Variants in GRM8 observed in about 807,000 individuals in gnomAD.
GRM8 encodes the protein glutamate metabotropic receptor 8.
GRM8 carries 47 observed loss-of-function variants against 87.2 expected under a neutral mutation model. The observed-to-expected ratio is 0.54, with a 90% CI of 0.43 to 0.69. The LOEUF is 0.69. Among genes scored for constraint, GRM8 ranks in the 30% least tolerant of loss-of-function variants. The probability of loss-of-function intolerance (pLI) is 0.00; values close to 1 mark genes in which losing one functional copy is unlikely to be tolerated. For missense variants in GRM8, 1,019 were observed against 1,139.2 expected, an observed-to-expected ratio of 0.89 and a Z score of 1.52; for synonymous variants, 396 against 404.5, an observed-to-expected ratio of 0.98 and a Z score of 0.25.
intron 7 of GRM8, among the ~76,000 whole-genome samples, chr7:126,653,732 A>G (rs893328526): frequency 6.6e-6 from 1 of 152,202 alleles, no homozygotes; most frequent in African/African-American, 2.4e-5. Flanking sequence ...ATACCCATGA[A>G]TACTCTGGGT....
At chr7:126,524,668 A>T (rs1813552411) in intron 9 of GRM8, among the ~76,000 whole-genome samples, 1 of 151,966 alleles carries the variant, frequency 6.6e-6, no homozygotes, top group African/African-American at 2.4e-5. Flanking sequence ...TATGCTCAAC[A>T]TGTCTTAATT....
chr7:127,041,932 T>A (rs976781446), intron 3 of GRM8, among the ~76,000 whole-genome samples: 1 of 152,182 alleles, frequency 6.6e-6, no homozygotes, highest in Non-Finnish European at 1.5e-5. Flanking sequence ...TGAGCTCTGA[T>A]TGAGCTCTGT....
intron 7 of GRM8, among the ~76,000 whole-genome samples, chr7:126,669,933 C>G (rs907819452): frequency 6.6e-6 from 1 of 152,152 alleles, no homozygotes; most frequent in African/African-American, 2.4e-5. Flanking sequence ...GGAAATTAAT[C>G]TTGCAGAAGA....
chr7:126,554,844 A>G (rs1477904456), intron 8 of GRM8, among the ~76,000 whole-genome samples: 5 of 152,184 alleles, frequency 3.3e-5, no homozygotes, highest in Non-Finnish European at 7.3e-5. Context: ...TGTTTCTAAT[A>G]TATTACTAAC....
Position 126,779,400 on chromosome 7 carries a change from A to G in GRM8, c.1157-9335T>C, listed in dbSNP as rs190408011. ...CTTAATATGCCAATGCTACATTTTT[A>G]TGATTATTATGTGTTTATGTTATAC... On this transcript the variant is annotated intron_variant, in intron 6 of 10. Coordinates refer to ENST00000339582, the MANE Select transcript of GRM8 (RefSeq NM_000845.3). Among the ~76,000 whole-genome samples, 3 of 152,118 alleles carry G rather than the reference A, an allele frequency of 2.0e-5. No homozygotes were observed. The East Asian group carries it at 5.8e-4, about 29-fold the overall frequency.
chr7:127,091,169 T>A (rs1260859903), intron 3 of GRM8, among the ~76,000 whole-genome samples: 1 of 152,076 alleles, frequency 6.6e-6, no homozygotes, highest in Non-Finnish European at 1.5e-5. Flanking sequence ...GGTCCCTGAA[T>A]TCTACTTGGC....
intron 6 of GRM8, among the ~76,000 whole-genome samples, chr7:126,895,426 A>T (rs1372953531): frequency 1.3e-5 from 2 of 152,106 alleles, no homozygotes; most frequent in African/African-American, 4.8e-5. Flanking sequence ...CCTGGAACTC[A>T]TCAGAAATGC....
intron 6 of GRM8, among the ~76,000 whole-genome samples, chr7:126,772,468 C>G (rs1299057174): frequency 2.0e-5 from 3 of 152,112 alleles, no homozygotes; most frequent in Non-Finnish European, 2.9e-5. Context: ...CCCAGACTTG[C>G]TGGGTCAGAA....
intron 3 of GRM8, among the ~76,000 whole-genome samples, chr7:127,022,158 CT>C (rs1385655572): frequency 6.6e-6 from 1 of 151,128 alleles, no homozygotes; most frequent in Admixed American, 6.6e-5. Flanking sequence ...TTCCTTTGAA[CT>C]GATAATGTTT....
intron 2 of GRM8, among the ~76,000 whole-genome samples, chr7:127,149,956 A>G (rs1425372104): frequency 1.3e-5 from 2 of 152,042 alleles, no homozygotes; most frequent in South Asian, 2.1e-4. Context: ...CTAGAGATCT[A>G]ATGTACAACA....
At chr7:127,086,509 C>A (rs1191317861) in intron 3 of GRM8, among the ~76,000 whole-genome samples, 1 of 152,170 alleles carries the variant, frequency 6.6e-6, no homozygotes, top group Non-Finnish European at 1.5e-5. Context: ...GTCTTAAATG[C>A]CTTTATCTCT....
At chr7:126,981,239 G>A (rs970192286) in intron 3 of GRM8, 4 of 152,338 alleles carry the variant, frequency 2.6e-5, no homozygotes. Context: ...GGCTAAAATT[G>A]CAGCTGTGTT....
At position 126,533,448 on chromosome 7, in the gene GRM8, G is replaced by C. The variant is rs753956680; in HGVS notation, c.1934C>G (p.Thr645Arg). The change falls in exon 9 of 11, where the codon ACA becomes AGA. Residue 645 changes from threonine (T) to arginine (R), a missense_variant. Thr to Arg is a moderately conservative substitution (Grantham distance 71). Coordinates refer to ENST00000339582, the MANE Select transcript of GRM8 (RefSeq NM_000845.3). ...GACCCGTCGGAAGGAGCATATGATT[G>C]TATCTGGTGCTGCAATCATTAAAAA... Reference protein sequence around the residue: ...ITFLMIAAPDTIICSFRRVFL... With the variant: ...ITFLMIAAPDRIICSFRRVFL... 1 of 1,613,996 alleles carries C rather than the reference G, an allele frequency of 6.2e-7. No individual in the cohort carries two copies. The highest frequency in any genetic ancestry group is 1.7e-5 in the Admixed American group (1 of 60,012).
chr7:127,060,762 A>G (rs1009356387), intron 3 of GRM8, among the ~76,000 whole-genome samples: 7 of 152,114 alleles, frequency 4.6e-5, no homozygotes, highest in Non-Finnish European at 1.0e-4. Flanking sequence ...TCAGCTGTAT[A>G]TTAATGTACT....
intron 2 of GRM8, among the ~76,000 whole-genome samples, chr7:127,223,569 T>C (rs746122003): frequency 4.6e-5 from 7 of 151,454 alleles, no homozygotes; most frequent in Non-Finnish European, 8.8e-5. Context: ...TCCACCAGGA[T>C]AGTTTCTGAG....
intron 8 of GRM8, among the ~76,000 whole-genome samples, chr7:126,550,042 A>AT (rs1427497735): frequency 2.2e-5 from 2 of 90,462 alleles, no homozygotes; most frequent in East Asian, 6.6e-4. Context: ...GCAAACAGCA[A>AT]TAAAAAAAAA....
At chr7:127,151,230 T>G (rs184156479) in intron 2 of GRM8, among the ~76,000 whole-genome samples, 1 of 152,054 alleles carries the variant, frequency 6.6e-6, no homozygotes, top group South Asian at 2.1e-4. Flanking sequence ...GGTTATGCTA[T>G]TCCAGATCCT....
chr7:126,484,331 A>G (rs1270540791), intron 9 of GRM8, among the ~76,000 whole-genome samples: 2 of 152,072 alleles, frequency 1.3e-5, no homozygotes, highest in Non-Finnish European at 2.9e-5. Context: ...ATAGACCTAC[A>G]TTATGACTAA....
intron 2 of GRM8, among the ~76,000 whole-genome samples, chr7:127,165,144 A>G (rs1793362039): frequency 1.2e-4 from 1 of 8,334 alleles, no homozygotes; most frequent in African/African-American, 1.2e-3. Flanking sequence ...GTAAACAGAT[A>G]TATATATATA....
Sources: gnomAD v4.1 joint callset for allele counts (sites outside exome capture counted in the v4.1 genomes callset) on GRCh38, gnomAD v4.1.1 for gene constraint, MANE v1.5 for transcripts, NCBI Gene and HGNC (gene_info 2026-07-23, HGNC 2026-07-21) for gene names.